USP4: variants seen among roughly 807,000 people sequenced by gnomAD.
USP4 encodes ubiquitin specific peptidase 4.
Under a neutral mutation model 118.2 loss-of-function variants are expected in USP4, and 72 were observed. The observed-to-expected ratio is 0.61, with a 90% CI of 0.50 to 0.74. USP4 has a LOEUF of 0.74. Among genes scored for constraint, USP4 ranks in the 30% least tolerant of loss-of-function variants. The pLI, the probability that USP4 is intolerant of heterozygous loss-of-function variation, is 0.00. For synonymous variants in USP4, 415 were observed against 440.4 expected, an observed-to-expected ratio of 0.94 and a Z score of 0.72; for missense variants, 1,037 against 1,185.7, an observed-to-expected ratio of 0.87 and a Z score of 1.84.
intron 14 of USP4, among the ~76,000 whole-genome samples, chr3:49,293,867 A>G (rs2047176725): frequency 6.6e-6 from 1 of 152,106 alleles, no homozygotes; most frequent in African/African-American, 2.4e-5. Flanking sequence ...TAGCCTCCCT[A>G]ACATGATTCT....
intron 19 of USP4, 152 bp from the exon 20 acceptor site, chr3:49,280,999 T>C (rs1222034256): frequency 1.6e-6 from 1 of 613,078 alleles, no homozygotes; most frequent in Non-Finnish European, 2.9e-6. Flanking sequence ...GACTCTAGGA[T>C]CCATGTTCTG....
chr3:49,327,015 A>G (rs1028589684), intron 3 of USP4, among the ~76,000 whole-genome samples: 5 of 152,152 alleles, frequency 3.3e-5, no homozygotes, highest in Non-Finnish European at 4.4e-5. Context: ...ACTCTTAAGC[A>G]TAGAGGGAAA....
At chr3:49,323,948 G>A (rs562194680) in intron 6 of USP4, among the ~76,000 whole-genome samples, 1 of 152,204 alleles carries the variant, frequency 6.6e-6, no homozygotes, top group East Asian at 1.9e-4. Flanking sequence ...GGGCAACAAT[G>A]AGTAACAGGC....
intron 15 of USP4, among the ~76,000 whole-genome samples, chr3:49,287,195 T>C (rs2047104138): frequency 6.6e-6 from 1 of 150,460 alleles, no homozygotes; most frequent in Admixed American, 6.6e-5. Flanking sequence ...CACTCTTTCG[T>C]CCAGGCTGGA....
intron 20 of USP4, among the ~76,000 whole-genome samples, 196 bp downstream of exon 20, chr3:49,280,548 A>C (rs1575598317): frequency 6.7e-6 from 1 of 148,234 alleles, no homozygotes; most frequent in African/African-American, 2.5e-5. Flanking sequence ...TGACATAACG[A>C]GACTCCGTCT....
In USP4 at chr3:49,278,239, T is replaced by G. The variant is rs1369063110; in HGVS notation, c.*54A>C. 2 of 1,579,338 alleles carry G rather than the reference T, an allele frequency of 1.3e-6. No homozygotes were observed. Among genetic ancestry groups the G allele is most frequent in the Non-Finnish European group, 8.6e-7 (1 of 1,164,574 alleles). On this transcript the variant is annotated 3_prime_UTR_variant, in exon 22 of 22. Coordinates refer to ENST00000265560, the MANE Select transcript of USP4 (RefSeq NM_003363.4). ...AGCAGTCTGCAGAGTGTCAAAGATG[T>G]TCTCCTGGGGGATTACACTGGCGCT...
At position 49,325,843 on chromosome 3, in the gene USP4, A is replaced by G. The variant is rs371053515; in HGVS notation, c.363T>C (p.Val121=). The change falls in exon 4 of 22, where the codon GTT becomes GTC. Residue 121 remains valine, a splice_region_variant and synonymous_variant. Coordinates refer to ENST00000265560, the MANE Select transcript of USP4 (RefSeq NM_003363.4). ...GCTTGACAAACAGGCCATGCTCCAC[A>G]ACCTATGAACAAGAGGCAGGGGTGA... is the stretch of plus-strand genomic sequence containing the variant. The part of the protein sequence containing the change: ...VEGQQPIVRK[V]VEHGLFVKHC... 120 of 1,613,378 alleles carry G rather than the reference A, an allele frequency of 7.4e-5. No individual in the cohort carries two copies. Among genetic ancestry groups the G allele is most frequent in the Non-Finnish European group, 1.0e-4 (118 of 1,179,624 alleles).
At chr3:49,338,385 C>T (rs763707833) in intron 1 of USP4, among the ~76,000 whole-genome samples, 8 of 151,786 alleles carry the variant, frequency 5.3e-5, no homozygotes, top group Non-Finnish European at 7.4e-5. Context: ...CTAGGCCGGG[C>T]GCAGTAGCTT....
chr3:49,311,976 G>C (rs774913117), intron 6 of USP4: 2 of 855,460 alleles, frequency 2.3e-6, no homozygotes, highest in Non-Finnish European at 2.9e-6. Context: ...GAGCTCAGGA[G>C]TTCGAGACCA....
At chr3:49,285,329 C>T (rs1273553349) in intron 16 of USP4, among the ~76,000 whole-genome samples, 1 of 151,900 alleles carries the variant, frequency 6.6e-6, no homozygotes, top group Non-Finnish European at 1.5e-5. Flanking sequence ...ACCCCTACAT[C>T]GCCCTAGCTT....
intron 2 of USP4, among the ~76,000 whole-genome samples, chr3:49,331,924 G>A (rs188211740): frequency 6.6e-6 from 1 of 151,210 alleles, no homozygotes; most frequent in East Asian, 1.9e-4. Flanking sequence ...CTTGAGCCCA[G>A]GAGTTGGAGA....
chr3:49,294,431 T>C lies in USP4; in HGVS notation c.1859A>G (p.Tyr620Cys), dbSNP rs9311440. 4,682 of 1,614,010 alleles carry C rather than the reference T, an allele frequency of 2.9e-3. 110 individuals are homozygous for C. The African/African-American group carries it at 0.048, about 17-fold the overall frequency. The part of the protein sequence containing the change: ...PKHKLTLESL[Y>C]QAVCDRISRY... ...CCTGATACGATCACAAACAGCCTGG[T>C]ACAAAGACTCAAGGGTTAACTTGTG... Residue 620 changes from tyrosine (Y) to cysteine (C), a missense_variant, in exon 14 of 22, where the codon TAC (tyrosine) becomes TGC (cysteine). Coordinates refer to ENST00000265560, the MANE Select transcript of USP4 (RefSeq NM_003363.4).
chr3:49,329,449 G>A (rs1410791070), intron 2 of USP4, among the ~76,000 whole-genome samples: 1 of 152,132 alleles, frequency 6.6e-6, no homozygotes, highest in African/African-American at 2.4e-5. Flanking sequence ...CACCCAGGCT[G>A]AAGTGCAGTG....
At chr3:49,302,619 A>G (rs2047273273) in intron 9 of USP4, 77 bp from the exon 10 acceptor site, 2 of 1,470,168 alleles carry the variant, frequency 1.4e-6, no homozygotes, top group Admixed American at 4.0e-5. Flanking sequence ...GCCATCAAAA[A>G]TAGCTCTGAG....
At chr3:49,281,084 G>A (rs2047018577) in intron 19 of USP4, among the ~76,000 whole-genome samples, 1 of 152,096 alleles carries the variant, frequency 6.6e-6, no homozygotes, top group Non-Finnish European at 1.5e-5. Flanking sequence ...ACTTTGGGGG[G>A]CCAAGGCAGG....
intron 6 of USP4, among the ~76,000 whole-genome samples, chr3:49,319,802 A>AG (rs565853683): frequency 3.3e-4 from 50 of 152,002 alleles, no homozygotes; most frequent in Admixed American, 2.1e-3. Flanking sequence ...TTTAGTAGAT[A>AG]GGGGGGTCTC....
chr3:49,320,739 TC>T (rs2047490434), intron 6 of USP4, among the ~76,000 whole-genome samples: 1 of 152,206 alleles, frequency 6.6e-6, no homozygotes, highest in African/African-American at 2.4e-5. Context: ...ATTTCAGGTT[TC>T]TTTTTTTTCC....
At chr3:49,322,543 T>C (rs2047513226) in intron 6 of USP4, among the ~76,000 whole-genome samples, 1 of 152,174 alleles carries the variant, frequency 6.6e-6, no homozygotes. Flanking sequence ...CTTGTTTGTA[T>C]TGACTAGTAG....
rs1203968270 is a variant in USP4, at chr3:49,302,503, G to C, written c.1168C>G (p.Gln390Glu). Residue 390 changes from glutamine to glutamate, a missense_variant, in exon 10 of 22, where the codon CAG becomes GAG. Gln to Glu is a conservative substitution (Grantham distance 29). This residue lies in a region of USP4 where 487 missense variants were observed against 534.1 expected (regional missense o/e 0.91). Coordinates refer to ENST00000265560, the MANE Select transcript of USP4 (RefSeq NM_003363.4). ...GRFAPQFSGYQQQDSQELLAF... is the reference protein window; with the variant it reads ...GRFAPQFSGYEQQDSQELLAF... ...AGCAGCTCCTGAGAATCTTGTTGCT[G>C]GTAGCCAGAAAATTGAGGAGCAAAA... The C allele has an allele frequency of 6.2e-6, 10 of 1,613,890 alleles. No homozygotes were observed. The highest frequency in any genetic ancestry group is 7.6e-6 in the Non-Finnish European group (9 of 1,179,976).
Sources: allele counts gnomAD v4.1 joint callset (sites outside exome capture counted in the v4.1 genomes callset), GRCh38; gene constraint gnomAD v4.1.1; regional missense constraint gnomAD v4.1.1; transcripts MANE v1.5; gene names NCBI Gene and HGNC (gene_info 2026-07-23, HGNC 2026-07-21).